Variants in CDON observed in about 807,000 individuals in gnomAD.
The protein encoded by CDON is cell adhesion associated, oncogene regulated.
CDON carries 73 observed loss-of-function variants against 120.9 expected under a neutral mutation model. The ratio of observed to expected loss-of-function variants is 0.60; its 90% confidence interval spans 0.50 to 0.73. The LOEUF is 0.73. Ranked by LOEUF, CDON falls within the 30% of genes least tolerant of loss-of-function variation. The pLI is 0.00. For synonymous variants in CDON, 566 were observed against 573.5 expected (o/e 0.99, Z 0.19); for missense variants, 1,470 against 1,587.3 (o/e 0.93, Z 1.26).
At chr11:125,976,915 C>G (rs1946164693) in intron 18 of CDON, among the ~76,000 whole-genome samples, 1 of 152,206 alleles carries the variant, frequency 6.6e-6, no homozygotes, top group Non-Finnish European at 1.5e-5. Context: ...CCCAGGTCTA[C>G]TTATTCTTAG....
At chr11:125,995,988 G>C (rs192255848) in intron 12 of CDON, among the ~76,000 whole-genome samples, 159 of 152,270 alleles carry the variant, frequency 1.0e-3, no homozygotes, top group African/African-American at 3.6e-3. Context: ...GATTCTTGTG[G>C]GGAGGGGAGG....
intron 11 of CDON, 133 bp downstream of exon 11, chr11:126,001,586 G>C (rs912563282): frequency 5.3e-5 from 39 of 731,440 alleles, no homozygotes; most frequent in Non-Finnish European, 8.1e-5. Context: ...CATTAAAATT[G>C]TTGAAATAGA....
intron 14 of CDON, among the ~76,000 whole-genome samples, chr11:125,990,051 TA>T (rs1414670615): frequency 6.6e-6 from 1 of 152,132 alleles, no homozygotes; most frequent in Non-Finnish European, 1.5e-5. Context: ...GAGTCTTTCA[TA>T]AAATACATGT....
At chr11:126,018,179 G>A in intron 5 of CDON, 151 bp downstream of exon 5, 3 of 778,306 alleles carry the variant, frequency 3.9e-6, no homozygotes, top group Non-Finnish European at 6.4e-6. Flanking sequence ...AGATCACAGG[G>A]GTGACCCACC....
intron 1 of CDON, among the ~76,000 whole-genome samples, chr11:126,047,170 T>C (rs1476064373): frequency 1.3e-5 from 2 of 152,160 alleles, no homozygotes; most frequent in East Asian, 3.8e-4. Flanking sequence ...GTACATCTCT[T>C]ATAAAAATCA....
At chr11:125,999,486 G>A (rs956180182) in intron 11 of CDON, among the ~76,000 whole-genome samples, 3 of 152,192 alleles carry the variant, frequency 2.0e-5, no homozygotes, top group Non-Finnish European at 4.4e-5. Flanking sequence ...TAAAACAGAT[G>A]TGGAAATCTG....
chr11:125,988,759 T>C (rs560460814), intron 15 of CDON, among the ~76,000 whole-genome samples: 1 of 152,332 alleles, frequency 6.6e-6, no homozygotes, highest in South Asian at 2.1e-4. Context: ...AATCTACCTA[T>C]GTAGGCAGAG....
intron 1 of CDON, among the ~76,000 whole-genome samples, chr11:126,044,533 C>G (rs758582057): frequency 2.1e-4 from 32 of 152,106 alleles, no homozygotes; most frequent in Admixed American, 1.1e-3. Flanking sequence ...GTAGTATATA[C>G]ACAAAATGGA....
rs1565531485 is a variant in CDON at position 126,017,075 on chromosome 11, A to G, written c.928+13T>C. On this transcript the variant is annotated intron_variant, in intron 6 of 19. Transcript: ENST00000531738. ...TGGCTTCATTTGAAAAAAATTAAAA[A>G]CTAACATCTTACCAAGTACATTAAC... 3.7e-6 allele frequency: 6 copies of G among 1,611,646 alleles called. No individual in the cohort carries two copies. The highest frequency in any genetic ancestry group is 3.4e-6 in the Non-Finnish European group (4 of 1,178,418).
At chr11:125,984,622 G>A (rs146596509) in intron 15 of CDON, among the ~76,000 whole-genome samples, 4,705 of 151,688 alleles carry the variant, frequency 0.031, 271 homozygotes, top group African/African-American at 0.11. Context: ...GCTTGAAGCC[G>A]GGAGAAGGAG....
At chr11:125,962,601 G>A (rs1056000670) in intron 18 of CDON, among the ~76,000 whole-genome samples, 5 of 152,146 alleles carry the variant, frequency 3.3e-5, no homozygotes, top group Non-Finnish European at 7.4e-5. Context: ...CGTCAATTCT[G>A]TTCTACTTTT....
Position 125,977,185 on chromosome 11 carries a change from T to G in CDON, c.3356+1119A>C, listed in dbSNP as rs145224855. Among the ~76,000 whole-genome samples the G allele has an allele frequency of 4.6e-5, 7 of 152,314 alleles. No homozygotes were observed. In the South Asian group the frequency reaches 8.3e-4, roughly 18 times the overall value. ...GAACATTTGCAAAACCAGGGTCATA[T>G]AGAATTTAAATACGTAACAAGCAAA... On this transcript the variant is annotated intron_variant, in intron 18 of 19. Transcript: ENST00000531738.
intron 1 of CDON, among the ~76,000 whole-genome samples, chr11:126,040,188 A>G (rs1948218151): frequency 6.6e-6 from 1 of 152,178 alleles, no homozygotes; most frequent in South Asian, 2.1e-4. Context: ...GGTATATGGG[A>G]TATCCCTGTA....
chr11:126,036,248 CAT>C (rs1948094441), intron 1 of CDON, among the ~76,000 whole-genome samples: 1 of 152,172 alleles, frequency 6.6e-6, no homozygotes, highest in Non-Finnish European at 1.5e-5. Context: ...TTTTTAAACA[CAT>C]ATAGTCTTAA....
intron 1 of CDON, among the ~76,000 whole-genome samples, chr11:126,038,639 C>T (rs1054750036): frequency 6.6e-6 from 1 of 150,394 alleles, no homozygotes; most frequent in African/African-American, 2.5e-5. Flanking sequence ...GCAACAGGAG[C>T]GAAACTCCGT....
Position 125,959,433 on chromosome 11 carries a change from T to C in CDON, c.*1509A>G, listed in dbSNP as rs1244843687. ...GCTATGAAACACACTTACATAATTA[T>C]TGTTTTTTAATGTGAAGAGCCTTCC... On this transcript the variant is annotated 3_prime_UTR_variant, in exon 20 of 20. Coordinates refer to ENST00000531738, the MANE Select transcript of CDON (RefSeq NM_001378964.1). 1 of 152,188 alleles carries C rather than the reference T, an allele frequency of 6.6e-6. No individual in the cohort carries two copies. Among genetic ancestry groups the C allele is most frequent in the Non-Finnish European group, 1.5e-5 (1 of 68,034 alleles). 9.4% of individuals were successfully genotyped at this position (152,188 alleles called of 1,614,324 possible).
At chr11:126,001,921 G>T in intron 10 of CDON, 71 bp from the exon 11 acceptor site, 1 of 1,139,874 alleles carries the variant, frequency 8.8e-7, no homozygotes, top group Non-Finnish European at 1.3e-6. Context: ...AAAGAGTACT[G>T]TGAAACTTAC....
intron 10 of CDON, among the ~76,000 whole-genome samples, chr11:126,002,456 G>A (rs1441035688): frequency 1.3e-5 from 2 of 152,090 alleles, no homozygotes; most frequent in Non-Finnish European, 2.9e-5. Context: ...GCCACTAGTT[G>A]GTTTCTTCTC....
At chr11:126,036,741 T>A (rs184078635) in intron 1 of CDON, among the ~76,000 whole-genome samples, 21 of 152,300 alleles carry the variant, frequency 1.4e-4, no homozygotes, top group Admixed American at 9.2e-4. Context: ...CGGACTGGAG[T>A]GCAGTGGTGC....
Sources: allele counts gnomAD v4.1 joint callset (sites outside exome capture counted in the v4.1 genomes callset), GRCh38; gene constraint gnomAD v4.1.1; transcripts MANE v1.5; gene names NCBI Gene and HGNC (gene_info 2026-07-23, HGNC 2026-07-21).